Variants in INPP4B observed in about 807,000 individuals in gnomAD.
INPP4B encodes the protein inositol polyphosphate-4-phosphatase type II B.
A neutral mutation model predicts 122.5 loss-of-function variants in INPP4B; 55 were observed. The observed-to-expected ratio is 0.45, with a 90% CI of 0.36 to 0.56. The LOEUF (loss-of-function observed/expected upper bound fraction) is 0.56, where lower values mean the gene tolerates loss of function less well. INPP4B is among the 20% of genes least tolerant of loss of function. INPP4B has a pLI of 0.00. For synonymous variants in INPP4B, 403 were observed against 388.7 expected (o/e 1.04, Z -0.43); for missense variants, 1,000 against 1,097.7 (o/e 0.91, Z 1.26).
chr4:142,263,639 AATATATATATAT>A (rs36227189), intron 10 of INPP4B, among the ~76,000 whole-genome samples: 427 of 41,838 alleles, frequency 0.01, 20 homozygotes, highest in East Asian at 0.043. Flanking sequence ...AAATTCGTAA[AATATATATATAT>A]ATATATATAT....
chr4:142,831,485 A>T (rs1782134539), intron 1 of INPP4B, among the ~76,000 whole-genome samples: 1 of 152,208 alleles, frequency 6.6e-6, no homozygotes, highest in African/African-American at 2.4e-5. Flanking sequence ...ATCTCCCCAT[A>T]GGAGAGAAGA....
intron 7 of INPP4B, among the ~76,000 whole-genome samples, chr4:142,353,250 CTT>C (rs1285172640): frequency 6.6e-6 from 1 of 151,968 alleles, no homozygotes; most frequent in Non-Finnish European, 1.5e-5. Flanking sequence ...AGTTTCAAGA[CTT>C]TGAAAACAGA....
intron 2 of INPP4B, among the ~76,000 whole-genome samples, chr4:142,716,439 T>G (rs1763776361): frequency 6.6e-6 from 1 of 152,190 alleles, no homozygotes. Flanking sequence ...CTTTCTTATC[T>G]CTCAATTTTT....
chr4:142,115,169 C>A (rs1045626515), intron 21 of INPP4B, among the ~76,000 whole-genome samples: 3 of 152,016 alleles, frequency 2.0e-5, no homozygotes, highest in African/African-American at 7.2e-5. Flanking sequence ...TGTGAAAAGA[C>A]CAAATCTACA....
intron 2 of INPP4B, among the ~76,000 whole-genome samples, chr4:142,584,546 C>G (rs1017332983): frequency 6.6e-6 from 1 of 152,080 alleles, no homozygotes; most frequent in Non-Finnish European, 1.5e-5. Flanking sequence ...TGAGATTTGT[C>G]TGATGTTTTT....
chr4:142,599,941 AG>A (rs1357602766), intron 2 of INPP4B, among the ~76,000 whole-genome samples: 1 of 151,960 alleles, frequency 6.6e-6, no homozygotes, highest in African/African-American at 2.4e-5. Flanking sequence ...CAAAACCTAA[AG>A]ACATGTTTTT....
intron 2 of INPP4B, among the ~76,000 whole-genome samples, chr4:142,593,908 TA>T (rs1431763883): frequency 6.6e-6 from 1 of 151,982 alleles, no homozygotes; most frequent in Non-Finnish European, 1.5e-5. Context: ...GATCACACTT[TA>T]AATGGTATTG....
intron 8 of INPP4B, 32 bp downstream of exon 8, chr4:142,314,680 G>A (rs1318836767): frequency 1.3e-6 from 2 of 1,589,688 alleles, no homozygotes; most frequent in South Asian, 1.2e-5. Context: ...GAAGTGATGT[G>A]TGTGCCTTCT....
rs758773707 is a variant in INPP4B, at chr4:142,511,417, G to C, written c.-190-48691C>G. ...TCTGCTTGTCATTCTATCTAAAAGAGAAATTTTTTATCATCTAGAAATCCT... is the reference window on the plus strand; with the variant it reads ...TCTGCTTGTCATTCTATCTAAAAGACAAATTTTTTATCATCTAGAAATCCT... On this transcript the variant is annotated intron_variant, in intron 2 of 25. Transcript: ENST00000262992. Among the ~76,000 whole-genome samples, 85 of 152,246 alleles carry C rather than the reference G, an allele frequency of 5.6e-4. 1 individual carries two copies. Among genetic ancestry groups the C allele is most frequent in the Middle Eastern group, 3.4e-3 (1 of 294 alleles).
intron 2 of INPP4B, among the ~76,000 whole-genome samples, chr4:142,599,249 G>C (rs536720980): frequency 6.6e-6 from 1 of 152,068 alleles, no homozygotes; most frequent in Non-Finnish European, 1.5e-5. Context: ...CAGTCTGACT[G>C]TCTGCTAACA....
At chr4:142,641,742 C>T (rs1205888089) in intron 2 of INPP4B, among the ~76,000 whole-genome samples, 1 of 152,134 alleles carries the variant, frequency 6.6e-6, no homozygotes, top group Non-Finnish European at 1.5e-5. Context: ...GTGCATGTGT[C>T]TTTATAGCAG....
At chr4:142,188,196 T>C (rs1474688855) in intron 15 of INPP4B, among the ~76,000 whole-genome samples, 1 of 151,944 alleles carries the variant, frequency 6.6e-6, no homozygotes, top group Non-Finnish European at 1.5e-5. Flanking sequence ...ACTTAAAATA[T>C]ATATGGCTTG....
intron 5 of INPP4B, chr4:142,426,333 G>A (rs1284981402): frequency 5.3e-5 from 8 of 151,808 alleles, no homozygotes; most frequent in South Asian, 2.1e-4. Flanking sequence ...ATCCCTCTTC[G>A]TAAATGTCAG....
intron 2 of INPP4B, among the ~76,000 whole-genome samples, chr4:142,474,780 T>A (rs891610924): frequency 2.0e-5 from 3 of 151,880 alleles, no homozygotes; most frequent in African/African-American, 4.8e-5. Flanking sequence ...GATGGCTGGA[T>A]AAGTGACTCC....
intron 2 of INPP4B, among the ~76,000 whole-genome samples, chr4:142,566,959 G>T (rs529721873): frequency 2.6e-5 from 4 of 152,236 alleles, no homozygotes; most frequent in Admixed American, 2.0e-4. Context: ...GCCTTGTAAG[G>T]TTTTTGATAG....
intron 1 of INPP4B, among the ~76,000 whole-genome samples, chr4:142,756,891 G>A (rs145651959): frequency 1.3e-5 from 2 of 152,050 alleles, no homozygotes; most frequent in African/African-American, 2.4e-5. Context: ...ATAGATTTAC[G>A]TCCCAGAAAA....
At chr4:142,556,981 G>T (rs1006132659) in intron 2 of INPP4B, among the ~76,000 whole-genome samples, 1 of 152,136 alleles carries the variant, frequency 6.6e-6, no homozygotes, top group Admixed American at 6.6e-5. Context: ...GCACAAAGCT[G>T]CTCCTCAAAG....
At chr4:142,658,923 T>C (rs1052153974) in intron 2 of INPP4B, among the ~76,000 whole-genome samples, 9 of 152,088 alleles carry the variant, frequency 5.9e-5, no homozygotes, top group African/African-American at 1.9e-4. Context: ...AAACCCATGG[T>C]TGGGCTTGGC....
chr4:142,378,047 T>A (rs78661502), intron 7 of INPP4B, among the ~76,000 whole-genome samples: 4,400 of 152,238 alleles, frequency 0.029, 90 homozygotes, highest in Non-Finnish European at 0.045. Context: ...ATAATGCTGA[T>A]AATTGCACTA....
Sources: allele counts gnomAD v4.1 joint callset (sites outside exome capture counted in the v4.1 genomes callset), GRCh38; gene constraint gnomAD v4.1.1; transcripts MANE v1.5; gene names NCBI Gene and HGNC (gene_info 2026-07-23, HGNC 2026-07-21).